The following CDYL2 variants were observed in gnomAD, a reference collection of about 807,000 sequenced individuals.
CDYL2 encodes chromodomain Y like 2.
CDYL2 carries 23 observed loss-of-function variants against 49.4 expected under a neutral mutation model. The ratio of observed to expected loss-of-function variants is 0.47; its 90% confidence interval spans 0.34 to 0.66. CDYL2 has a LOEUF of 0.66. CDYL2 is among the 30% of genes least tolerant of loss of function. The probability of loss-of-function intolerance (pLI) is 0.01; values close to 1 mark genes in which losing one functional copy is unlikely to be tolerated. For synonymous variants in CDYL2, 360 were observed against 268.8 expected, an observed-to-expected ratio of 1.34 and a Z score of -3.32; for missense variants, 678 against 656.4, an observed-to-expected ratio of 1.03 and a Z score of -0.36.
At chr16:80,663,445 C>T (rs1909131503) in intron 2 of CDYL2, among the ~76,000 whole-genome samples, 1 of 152,070 alleles carries the variant, frequency 6.6e-6, no homozygotes, top group South Asian at 2.1e-4. Context: ...AAAATCTTAG[C>T]CACAGTTAAC....
At chr16:80,661,940 T>C (rs182513656) in intron 2 of CDYL2, among the ~76,000 whole-genome samples, 152 of 152,304 alleles carry the variant, frequency 1.0e-3, no homozygotes, top group Non-Finnish European at 1.8e-3. Context: ...ATCCAATGAC[T>C]GCATGAGCAA....
At chr16:80,773,148 T>C (rs1000668416) in intron 1 of CDYL2, among the ~76,000 whole-genome samples, 1 of 152,172 alleles carries the variant, frequency 6.6e-6, no homozygotes, top group Non-Finnish European at 1.5e-5. Flanking sequence ...AAGAATATGA[T>C]GTAGCTGTAC....
At chr16:80,690,618 C>A (rs538687409) in intron 1 of CDYL2, among the ~76,000 whole-genome samples, 1 of 152,152 alleles carries the variant, frequency 6.6e-6, no homozygotes, top group African/African-American at 2.4e-5. Flanking sequence ...ATGCTCTCGG[C>A]GACCACATTA....
chr16:80,752,378 A>T (rs1211835749), intron 1 of CDYL2, among the ~76,000 whole-genome samples: 3 of 152,214 alleles, frequency 2.0e-5, no homozygotes, highest in African/African-American at 7.2e-5. Context: ...TGAAAAAAAC[A>T]ATTACCAAGA....
In CDYL2 at chr16:80,632,985, C is replaced by T. The variant is rs902246928; in HGVS notation, c.834+34G>A. 3.1e-6 allele frequency: 5 copies of T among 1,592,080 alleles called. No individual in the cohort carries two copies. The East Asian group carries it at 9.0e-5, about 29-fold the overall frequency. ...TTCTGAGTGAGAAGGAGCCACAGCC[C>T]AGCTTGCCCTTCCCTCTGGCCGCCA... On this transcript the variant is annotated intron_variant, in intron 3 of 6. Transcript: ENST00000570137.
intron 4 of CDYL2, among the ~76,000 whole-genome samples, chr16:80,615,899 A>G (rs946457541): frequency 6.6e-6 from 1 of 152,124 alleles, no homozygotes; most frequent in African/African-American, 2.4e-5. Flanking sequence ...GATCTCTATC[A>G]CTGGGAGCCA....
intron 1 of CDYL2, among the ~76,000 whole-genome samples, chr16:80,693,627 G>C (rs1910503305): frequency 6.6e-6 from 1 of 152,148 alleles, no homozygotes; most frequent in Non-Finnish European, 1.5e-5. Flanking sequence ...CTATTACTTG[G>C]TACAGCAACA....
intron 1 of CDYL2, among the ~76,000 whole-genome samples, chr16:80,791,443 C>A (rs1156709842): frequency 1.3e-5 from 2 of 152,232 alleles, no homozygotes; most frequent in African/African-American, 4.8e-5. Flanking sequence ...ACAAAGCTTA[C>A]AATGTAAGTG....
At chr16:80,686,531 A>G (rs929478678) in intron 1 of CDYL2, among the ~76,000 whole-genome samples, 3 of 150,978 alleles carry the variant, frequency 2.0e-5, no homozygotes, top group Non-Finnish European at 4.4e-5. Context: ...AAAATAAAAC[A>G]GGTGAGCAAA....
rs1381925569 is a variant in CDYL2 at position 80,632,244 on chromosome 16, A to AT, written c.834+774dup. On this transcript the variant is annotated intron_variant, in intron 3 of 6. Transcript: ENST00000570137. ...GGAATATTATTTAGCCATAAAAGGA[A>AT]TGAAGTATGGATACACACTAAAACA... Among the ~76,000 whole-genome samples, 5 of 152,370 alleles carry AT rather than the reference A, an allele frequency of 3.3e-5. No homozygotes were observed. In the East Asian group the frequency reaches 5.8e-4, roughly 18 times the overall value.
chr16:80,728,883 T>G (rs965759261), intron 1 of CDYL2, among the ~76,000 whole-genome samples: 4 of 150,988 alleles, frequency 2.6e-5, no homozygotes, highest in African/African-American at 9.7e-5. Context: ...ATAAAATACT[T>G]TACAGACAAG....
chr16:80,704,276 ATTC>A (rs747669381), intron 1 of CDYL2, among the ~76,000 whole-genome samples: 7 of 152,338 alleles, frequency 4.6e-5, no homozygotes, highest in Admixed American at 1.3e-4. Flanking sequence ...GCAAATTGAT[ATTC>A]TTCTTCTTCT....
chr16:80,732,967 T>C (rs1011910316), intron 1 of CDYL2, among the ~76,000 whole-genome samples: 3 of 152,094 alleles, frequency 2.0e-5, no homozygotes, highest in Admixed American at 6.6e-5. Context: ...AGTATCATTA[T>C]CTATTTAGTG....
rs1441194801 is a variant in CDYL2 at position 80,712,187 on chromosome 16, G to A, written c.25-27058C>T. Reference sequence around the variant, plus strand: ...TATATATATGTGTCTTTGTGTCTGTGTGTGTATATATATATATATATATAT... The same window carrying A: ...TATATATATGTGTCTTTGTGTCTGTATGTGTATATATATATATATATATAT... On this transcript the variant is annotated intron_variant, in intron 1 of 6. Coordinates refer to ENST00000570137, the MANE Select transcript of CDYL2 (RefSeq NM_152342.4). Among the ~76,000 whole-genome samples the A allele has an allele frequency of 1.3e-3, 48 of 38,084 alleles. 1 individual carries two copies. The East Asian group carries it at 0.014, about 11-fold the overall frequency. The allele number at this position is 38,084 out of a possible 152,430, so 25.0% of individuals were successfully genotyped here.
chr16:80,660,954 G>C (rs1261953888), intron 2 of CDYL2, among the ~76,000 whole-genome samples: 1 of 152,184 alleles, frequency 6.6e-6, no homozygotes, highest in Admixed American at 6.5e-5. Flanking sequence ...CCCTGAGCTA[G>C]GGGTAAGCTG....
chr16:80,754,986 C>G (rs929779058), intron 1 of CDYL2, among the ~76,000 whole-genome samples: 1 of 152,074 alleles, frequency 6.6e-6, no homozygotes, highest in Non-Finnish European at 1.5e-5. Context: ...AGTCACCCAC[C>G]AACAAAGCCT....
At chr16:80,662,515 T>C (rs1909088401) in intron 2 of CDYL2, among the ~76,000 whole-genome samples, 1 of 152,132 alleles carries the variant, frequency 6.6e-6, no homozygotes, top group Non-Finnish European at 1.5e-5. Context: ...TCTCCCATGT[T>C]CATTCAGTAC....
intron 2 of CDYL2, among the ~76,000 whole-genome samples, chr16:80,659,677 A>G (rs1040256850): frequency 1.2e-4 from 18 of 149,822 alleles, no homozygotes; most frequent in African/African-American, 4.5e-4. Flanking sequence ...AGTTAAAAAA[A>G]CTGGTTAATC....
At chr16:80,771,737 A>C (rs1906912361) in intron 1 of CDYL2, among the ~76,000 whole-genome samples, 1 of 152,180 alleles carries the variant, frequency 6.6e-6, no homozygotes, top group Non-Finnish European at 1.5e-5. Context: ...AAGCAAAAAA[A>C]AAATGAAAAC....
Sources: allele counts gnomAD v4.1 joint callset (sites outside exome capture counted in the v4.1 genomes callset), GRCh38; gene constraint gnomAD v4.1.1; transcripts MANE v1.5; gene names NCBI Gene and HGNC (gene_info 2026-07-23, HGNC 2026-07-21).